ERC1: variants seen among roughly 807,000 people sequenced by gnomAD.
The protein encoded by ERC1 is ELKS/RAB6-interacting/CAST family member 1.
Under a neutral mutation model 132.0 loss-of-function variants are expected in ERC1, and 56 were observed. That is an observed-to-expected ratio of 0.42 (90% confidence interval 0.34 to 0.53). The LOEUF (loss-of-function observed/expected upper bound fraction) is 0.53, where lower values mean the gene tolerates loss of function less well. Among genes scored for constraint, ERC1 ranks in the 20% least tolerant of loss-of-function variants. ERC1 has a pLI of 0.03. For missense variants in ERC1, 1,202 were observed against 1,349.9 expected (o/e 0.89, Z 1.72); for synonymous variants, 478 against 476.1 (o/e 1.00, Z -0.05).
intron 7 of ERC1, among the ~76,000 whole-genome samples, chr12:1,139,305 T>A (rs1382175759): frequency 1.3e-5 from 2 of 152,162 alleles, no homozygotes; most frequent in Admixed American, 1.3e-4. Context: ...TAGTCACTAG[T>A]AGCTGTCTCG....
chr12:1,355,107 T>TA (rs2085396938), intron 15 of ERC1, among the ~76,000 whole-genome samples: 1 of 152,154 alleles, frequency 6.6e-6, no homozygotes, highest in African/African-American at 2.4e-5. Flanking sequence ...ATTGTAAACT[T>TA]ACTGGGCTCT....
chr12:1,264,415 C>A (rs1188269773), intron 14 of ERC1, among the ~76,000 whole-genome samples: 1 of 152,144 alleles, frequency 6.6e-6, no homozygotes, highest in Non-Finnish European at 1.5e-5. Flanking sequence ...GTAATCCCAG[C>A]ACTTTGGGAG....
At chr12:1,435,952 T>A (rs1274202452) in intron 17 of ERC1, among the ~76,000 whole-genome samples, 1 of 152,206 alleles carries the variant, frequency 6.6e-6, no homozygotes, top group Non-Finnish European at 1.5e-5. Context: ...TATTAAGCAC[T>A]CTAATGAGAA....
chr12:1,301,021 G>A (rs934364493), intron 15 of ERC1, among the ~76,000 whole-genome samples: 7 of 131,588 alleles, frequency 5.3e-5, no homozygotes, highest in Non-Finnish European at 1.0e-4. Context: ...TAAAAGTAAC[G>A]AAATAATGTT....
intron 3 of ERC1, among the ~76,000 whole-genome samples, chr12:1,101,704 T>G (rs890471448): frequency 1.3e-5 from 2 of 152,188 alleles, no homozygotes; most frequent in African/African-American, 4.8e-5. Flanking sequence ...AATTCAGATA[T>G]CACACGGCGA....
At chr12:1,177,208 A>C (rs1278752502) in intron 8 of ERC1, among the ~76,000 whole-genome samples, 1 of 152,080 alleles carries the variant, frequency 6.6e-6, no homozygotes, top group Non-Finnish European at 1.5e-5. Context: ...AACTTTTTCC[A>C]TATCAGCAAT....
In ERC1 at chr12:1,121,725, CTCTATCTCTATCTCTA is replaced by C. The variant is rs1566012758; in HGVS notation, c.1569+5712_1569+5727del. On this transcript the variant is annotated intron_variant, in intron 7 of 18. Coordinates refer to ENST00000360905, the MANE Select transcript of ERC1 (RefSeq NM_178040.4). ...TCTCTATCTGTGTCTCTATCTCTATCTCTATCTCTATCTCTATCTATCTCTATCTCTATCTCTATCT... is the reference window on the plus strand; with the variant it reads ...TCTCTATCTGTGTCTCTATCTCTATCTCTATCTCTATCTCTATCTCTATCT... Among the ~76,000 whole-genome samples the C allele has an allele frequency of 5.7e-3, 33 of 5,812 alleles. 4 individuals are homozygous for C. The highest frequency in any genetic ancestry group is 0.071 in the Middle Eastern group (1 of 14). The allele number at this position is 5,812 out of a possible 152,430, so 3.8% of individuals were successfully genotyped here.
At chr12:1,283,378 C>G (rs76571483) in intron 14 of ERC1, among the ~76,000 whole-genome samples, 3,886 of 152,278 alleles carry the variant, frequency 0.026, 72 homozygotes, top group South Asian at 0.079. Flanking sequence ...TTCTTTTCTT[C>G]TACTCATCGG....
intron 2 of ERC1, among the ~76,000 whole-genome samples, chr12:1,047,009 A>G (rs115864464): frequency 1.5e-3 from 234 of 152,306 alleles, no homozygotes; most frequent in African/African-American, 5.4e-3. Context: ...TGAATGAAGA[A>G]TTCAGCATTA....
intron 15 of ERC1, among the ~76,000 whole-genome samples, chr12:1,325,243 A>G (rs533943969): frequency 2.6e-5 from 4 of 152,274 alleles, no homozygotes; most frequent in East Asian, 1.9e-4. Context: ...AAACGTATCA[A>G]TGTTCTGGGA....
chr12:1,053,337 T>C (rs746724766), intron 2 of ERC1, among the ~76,000 whole-genome samples: 12 of 152,352 alleles, frequency 7.9e-5, no homozygotes, highest in Admixed American at 3.3e-4. Flanking sequence ...CTTTTCGTTA[T>C]GCATTAAATA....
chr12:1,161,207 C>T (rs570171426), intron 8 of ERC1, among the ~76,000 whole-genome samples: 38 of 152,084 alleles, frequency 2.5e-4, no homozygotes, highest in South Asian at 6.2e-4. Flanking sequence ...GGTTATGATA[C>T]GAATGGTATA....
chr12:1,460,413 G>A (rs2093621704), intron 18 of ERC1, among the ~76,000 whole-genome samples: 2 of 152,176 alleles, frequency 1.3e-5, no homozygotes, highest in South Asian at 4.1e-4. Context: ...TGTGTGGGCT[G>A]AGTCGGTGTT....
intron 18 of ERC1, among the ~76,000 whole-genome samples, chr12:1,475,640 G>A (rs1293080269): frequency 6.6e-6 from 1 of 152,204 alleles, no homozygotes; most frequent in Non-Finnish European, 1.5e-5. Flanking sequence ...AATTGAAGCA[G>A]TAGCTCCCAT....
At chr12:1,336,440 T>C (rs901287995) in intron 15 of ERC1, among the ~76,000 whole-genome samples, 1 of 152,216 alleles carries the variant, frequency 6.6e-6, no homozygotes, top group African/African-American at 2.4e-5. Context: ...GAGATTCTGG[T>C]ATGTTGTATC....
chr12:997,069 C>T (rs1961081562), intron 1 of ERC1, among the ~76,000 whole-genome samples: 1 of 152,148 alleles, frequency 6.6e-6, no homozygotes, highest in Non-Finnish European at 1.5e-5. Flanking sequence ...TAGCCATGTG[C>T]CACCATGCCT....
chr12:1,272,962 A>AG (rs1566450641), intron 14 of ERC1, among the ~76,000 whole-genome samples: 1 of 148,538 alleles, frequency 6.7e-6, no homozygotes. Context: ...AAAAAAAAAA[A>AG]AAAAAAAAAA....
chr12:1,197,906 T>TTTTTGTTTTG (rs201199133), intron 12 of ERC1, among the ~76,000 whole-genome samples: 2 of 151,848 alleles, frequency 1.3e-5, no homozygotes, highest in Non-Finnish European at 2.9e-5. Context: ...TGGACTATTT[T>TTTTTGTTTTG]TTTTGTTTTG....
chr12:1,035,743 A>G (rs2154155111), intron 2 of ERC1, among the ~76,000 whole-genome samples: 1 of 152,192 alleles, frequency 6.6e-6, no homozygotes, highest in Non-Finnish European at 1.5e-5. Flanking sequence ...TAACACGGTG[A>G]AACCCCGTCT....
Sources: allele counts gnomAD v4.1 joint callset (sites outside exome capture counted in the v4.1 genomes callset), GRCh38; gene constraint gnomAD v4.1.1; transcripts MANE v1.5; gene names NCBI Gene and HGNC (gene_info 2026-07-23, HGNC 2026-07-21).